FGF12: variants seen among roughly 807,000 people sequenced by gnomAD.
FGF12 encodes the protein fibroblast growth factor 12.
A neutral mutation model predicts 23.6 loss-of-function variants in FGF12; 14 were observed. That is an observed-to-expected ratio of 0.59 (90% CI 0.39 to 0.93). FGF12 has a LOEUF of 0.93. Ranked by LOEUF, FGF12 falls within the 40% of genes least tolerant of loss-of-function variation. The pLI is 0.00. For missense variants in FGF12, 175 were observed against 217.8 expected (o/e 0.80, Z 1.24); for synonymous variants, 62 against 77.3 (o/e 0.80, Z 1.04).
At chr3:192,521,390 A>G (rs374897006) in intron 2 of FGF12, 12 of 152,214 alleles carry the variant, frequency 7.9e-5, no homozygotes, top group African/African-American at 2.9e-4. Context: ...GCCATAAGAA[A>G]ACTTTAAAGA....
At chr3:192,552,382 AC>A (rs201754082) in intron 2 of FGF12, among the ~76,000 whole-genome samples, 21 of 151,698 alleles carry the variant, frequency 1.4e-4, no homozygotes, top group African/African-American at 4.6e-4. Flanking sequence ...GAAGCAAAAA[AC>A]AAAATTCAAA....
intron 2 of FGF12, among the ~76,000 whole-genome samples, chr3:192,450,399 T>A (rs540221929): frequency 1.4e-4 from 21 of 152,294 alleles, no homozygotes; most frequent in Non-Finnish European, 2.6e-4. Flanking sequence ...ATATATCCAA[T>A]TTTAATCATG....
intron 4 of FGF12, among the ~76,000 whole-genome samples, chr3:192,315,218 G>A (rs1029166924): frequency 3.9e-5 from 6 of 152,100 alleles, no homozygotes; most frequent in African/African-American, 1.4e-4. Flanking sequence ...GTCTATCATT[G>A]TTCTTATTTG....
chr3:192,285,982 C>T (rs542481381), intron 4 of FGF12, among the ~76,000 whole-genome samples: 106 of 152,082 alleles, frequency 7.0e-4, no homozygotes, highest in Admixed American at 2.7e-3. Context: ...GATGGATACA[C>T]AATCAATTAA....
chr3:192,236,436 T>C (rs774872699), intron 4 of FGF12, among the ~76,000 whole-genome samples: 61 of 152,324 alleles, frequency 4.0e-4, no homozygotes, highest in Admixed American at 9.1e-4. Context: ...CTTCATGATC[T>C]GTCTAATACT....
chr3:192,647,550 CTT>C (rs1716049252), intron 2 of FGF12, among the ~76,000 whole-genome samples: 1 of 151,698 alleles, frequency 6.6e-6, no homozygotes. Context: ...AAAAAGTGGA[CTT>C]ATCAATTTTT....
At chr3:192,651,549 A>G (rs1716215865) in intron 2 of FGF12, among the ~76,000 whole-genome samples, 1 of 152,206 alleles carries the variant, frequency 6.6e-6, no homozygotes, top group Admixed American at 6.5e-5. Flanking sequence ...AATTAAAAAC[A>G]AAAATAAGAT....
chr3:192,522,138 C>G (rs1355254202), intron 2 of FGF12, among the ~76,000 whole-genome samples: 1 of 148,188 alleles, frequency 6.7e-6, no homozygotes, highest in African/African-American at 2.5e-5. Context: ...GCGGAGCTTG[C>G]AATGAGCCGA....
At chr3:192,618,754 C>G (rs144962340) in intron 2 of FGF12, among the ~76,000 whole-genome samples, 39 of 149,522 alleles carry the variant, frequency 2.6e-4, no homozygotes, top group African/African-American at 9.0e-4. Context: ...GATCAAAGTT[C>G]GACTATCTTA....
At chr3:192,670,452 T>C (rs1265317959) in intron 2 of FGF12, among the ~76,000 whole-genome samples, 2 of 152,050 alleles carry the variant, frequency 1.3e-5, no homozygotes, top group African/African-American at 4.8e-5. Context: ...AGACCAAATG[T>C]TTTAGAGTAA....
chr3:192,693,188 T>G (rs1718001178), intron 2 of FGF12, among the ~76,000 whole-genome samples: 1 of 151,906 alleles, frequency 6.6e-6, no homozygotes, highest in Non-Finnish European at 1.5e-5. Context: ...CCATTTATAA[T>G]AGCATTAAAA....
intron 2 of FGF12, among the ~76,000 whole-genome samples, chr3:192,648,709 G>A (rs972265742): frequency 1.2e-4 from 19 of 152,002 alleles, no homozygotes; most frequent in African/African-American, 4.3e-4. Flanking sequence ...AAAATATGAA[G>A]GATGAGAAAT....
At chr3:192,567,300 G>A (rs1045081626) in intron 2 of FGF12, among the ~76,000 whole-genome samples, 2 of 152,034 alleles carry the variant, frequency 1.3e-5, no homozygotes, top group Non-Finnish European at 2.9e-5. Context: ...TAATAGAACT[G>A]GGAATTTTTT....
At chr3:192,256,234 T>C (rs780391291) in intron 4 of FGF12, among the ~76,000 whole-genome samples, 2 of 152,088 alleles carry the variant, frequency 1.3e-5, no homozygotes, top group Non-Finnish European at 2.9e-5. Context: ...CATAATTTTA[T>C]AATTGTTAAA....
chr3:192,449,436 C>T lies in FGF12; in HGVS notation c.14-88898G>A, dbSNP rs866946988. Among the ~76,000 whole-genome samples, 62 of 152,224 alleles carry T rather than the reference C, an allele frequency of 4.1e-4. No individual in the cohort carries two copies. The Middle Eastern group carries it at 0.014, about 33-fold the overall frequency. ...CAGTGATCATCTTGCCATGGATCTC[C>T]CAATGTGGACACCATGCATCCCAGG... On this transcript the variant is annotated intron_variant, in intron 2 of 5. Transcript: ENST00000445105.
intron 2 of FGF12, among the ~76,000 whole-genome samples, chr3:192,721,927 G>C (rs988592703): frequency 6.6e-6 from 1 of 152,044 alleles, no homozygotes; most frequent in African/African-American, 2.4e-5. Flanking sequence ...CTAGCCTCCC[G>C]GATAACCTAC....
chr3:192,192,665 C>G (rs1190342553), intron 4 of FGF12, among the ~76,000 whole-genome samples: 1 of 151,736 alleles, frequency 6.6e-6, no homozygotes, highest in Non-Finnish European at 1.5e-5. Flanking sequence ...TATTTTCAAA[C>G]TTAAAAGGGA....
intron 2 of FGF12, among the ~76,000 whole-genome samples, chr3:192,548,961 C>CA (rs1348737376): frequency 6.6e-6 from 1 of 152,150 alleles, no homozygotes; most frequent in East Asian, 1.9e-4. Flanking sequence ...TTTCTTCCAT[C>CA]AAAAAAAGTC....
Position 192,170,468 on chromosome 3 carries a change from T to A in FGF12, c.417A>T (p.Lys139Asn). 6.2e-7 allele frequency: 1 copy of A among 1,613,488 alleles called. No individual in the cohort carries two copies. The highest frequency in any genetic ancestry group is 1.1e-5 in the South Asian group (1 of 91,016). The change falls in exon 5 of 6, where the codon AAA becomes AAT. Residue 139 changes from lysine (K) to asparagine (N), a missense_variant. Coordinates refer to ENST00000445105, the MANE Select transcript of FGF12 (RefSeq NM_004113.6). ...KTKPSSHFVP[K>N]PIEVCMYREP... Reference sequence around the variant, plus strand: ...CAGTTGGTTTCATACCTTCAATAGGTTTCGGTACAAAATGTGATGAGGGCT... The same window carrying A: ...CAGTTGGTTTCATACCTTCAATAGGATTCGGTACAAAATGTGATGAGGGCT...
Sources: gnomAD v4.1 joint callset for allele counts (sites outside exome capture counted in the v4.1 genomes callset) on GRCh38, gnomAD v4.1.1 for gene constraint, MANE v1.5 for transcripts, NCBI Gene and HGNC (gene_info 2026-07-23, HGNC 2026-07-21) for gene names.